KIFC3: variants seen among roughly 807,000 people sequenced by gnomAD.
The protein encoded by KIFC3 is kinesin-like protein KIFC3.
In KIFC3, 60 loss-of-function variants were observed where a neutral mutation model predicts 101.8. The observed-to-expected ratio is 0.59, with a 90% CI of 0.48 to 0.73. KIFC3 has a LOEUF of 0.73. KIFC3 is among the 30% of genes least tolerant of loss of function. The probability of loss-of-function intolerance (pLI) is 0.00; values close to 1 mark genes in which losing one functional copy is unlikely to be tolerated. For synonymous variants in KIFC3, 476 were observed against 482.7 expected, an observed-to-expected ratio of 0.99 and a Z score of 0.18; for missense variants, 966 against 1,137.1, an observed-to-expected ratio of 0.85 and a Z score of 2.16.
At position 57,795,050 on chromosome 16, in the gene KIFC3, G is replaced by A. The variant is rs150372660; in HGVS notation, c.264C>T (p.Ser88=). The part of the protein sequence containing the change: ...RPALAQCRAL[S]VDWAGPGSPH... ...GGCTTCCGGGGCCAGCCCAGTCCAC[G>A]CTAAGGGCTCGGCACTGAGCTAGGG... The change falls in exon 3 of 20, where the codon AGC becomes AGT. Residue 88 remains serine, a synonymous_variant. Transcript: ENST00000445690. 3.9e-5 allele frequency: 63 copies of A among 1,602,720 alleles called. No individual in the cohort carries two copies. The East Asian group carries it at 8.7e-4, about 22-fold the overall frequency.
intron 3 of KIFC3, chr16:57,774,284 C>A (rs1249364378): frequency 1.3e-5 from 2 of 152,192 alleles, no homozygotes; most frequent in Admixed American, 1.3e-4. Flanking sequence ...ATTGAGAATA[C>A]CCTGAATAAG....
At chr16:57,858,918 C>T (rs2056236320) in intron 1 of KIFC3, among the ~76,000 whole-genome samples, 1 of 151,948 alleles carries the variant, frequency 6.6e-6, no homozygotes, top group Admixed American at 6.6e-5. Context: ...CCACTGCTTT[C>T]CAACCTGGGC....
intron 3 of KIFC3, among the ~76,000 whole-genome samples, chr16:57,783,534 G>T (rs565612813): frequency 3.7e-4 from 54 of 146,814 alleles, no homozygotes; most frequent in African/African-American, 1.1e-3. Flanking sequence ...GTGCAGTGGC[G>T]TGATCTCAGC....
At chr16:57,800,662 G>C (rs1230315522) in intron 1 of KIFC3, among the ~76,000 whole-genome samples, 1 of 152,214 alleles carries the variant, frequency 6.6e-6, no homozygotes, top group Non-Finnish European at 1.5e-5. Context: ...ATCAGGAAGG[G>C]AAGTGGAGGA....
At chr16:57,822,806 G>A (rs2055379802) in intron 1 of KIFC3, among the ~76,000 whole-genome samples, 1 of 152,198 alleles carries the variant, frequency 6.6e-6, no homozygotes, top group African/African-American at 2.4e-5. Context: ...ACAGAGCTTG[G>A]ATTTCCTTTT....
chr16:57,778,542 G>T (rs1434711737), intron 3 of KIFC3, among the ~76,000 whole-genome samples: 6 of 152,142 alleles, frequency 3.9e-5, no homozygotes, highest in African/African-American at 1.4e-4. Context: ...ATCTGATAAG[G>T]AGTTATTATC....
In KIFC3 at chr16:57,788,455, T is replaced by C. The variant is rs1278603488; in HGVS notation, c.315+6544A>G. Reference sequence around the variant, plus strand: ...AGCTGCGGATCAGGCAGCTGGAGTCTGTCTAGGCCACCTCCAGCCGGGGAG... The same window carrying C: ...AGCTGCGGATCAGGCAGCTGGAGTCCGTCTAGGCCACCTCCAGCCGGGGAG... On this transcript the variant is annotated intron_variant, in intron 3 of 19. Transcript: ENST00000445690. 8.8e-6 allele frequency: 8 copies of C among 914,240 alleles called. No homozygotes were observed. In the Admixed American group the frequency reaches 1.1e-4, roughly 12 times the overall value. The allele number at this position is 914,240 out of a possible 1,614,324, so 56.6% of individuals were successfully genotyped here.
chr16:57,820,318 G>A (rs747833233), intron 1 of KIFC3, among the ~76,000 whole-genome samples: 1 of 152,162 alleles, frequency 6.6e-6, no homozygotes, highest in Non-Finnish European at 1.5e-5. Context: ...CACCCAGGCT[G>A]GAGTGCAGTG....
At chr16:57,859,865 T>C (rs1254882404) in intron 1 of KIFC3, among the ~76,000 whole-genome samples, 1 of 150,864 alleles carries the variant, frequency 6.6e-6, no homozygotes, top group Non-Finnish European at 1.5e-5. Flanking sequence ...CTACTAAAAA[T>C]ACAAAAATTA....
At chr16:57,815,478 A>G (rs1286657376) in intron 1 of KIFC3, 16 of 1,226,430 alleles carry the variant, frequency 1.3e-5, no homozygotes, top group South Asian at 2.8e-5. Flanking sequence ...GACTCTGCCC[A>G]TCACCCCCAA....
In KIFC3 at chr16:57,772,730, A is replaced by C. The variant is rs150696253; in HGVS notation, c.316-442T>G. ...ATACTCCAGGTCCTCCGAGCCCTAG[A>C]TCCACCCTGGCCCAGCCCCCAGAAT... On this transcript the variant is annotated intron_variant, in intron 3 of 19. Coordinates refer to ENST00000445690, the MANE Select transcript of KIFC3 (RefSeq NM_001130100.2). 5.4e-3 allele frequency among the ~76,000 whole-genome samples: 827 copies of C among 152,248 alleles called. 11 individuals carry two copies. The highest frequency in any genetic ancestry group is 0.035 in the South Asian group (168 of 4,816).
Position 57,762,124 on chromosome 16 carries a change from ACCCTGGGGCTCC to A in KIFC3, c.1748+4_1748+15del, listed in dbSNP as rs781953581. ...GCTGCCCCTGAGGCCTGCTCCGCAC[ACCCTGGGGCTCC>A]CACCTGAGGACCTCATTGTAGATCT... On this transcript the variant is annotated splice_donor_5th_base_variant and intron_variant, in intron 13 of 19. Transcript: ENST00000445690. 1 of 1,578,140 alleles carries A rather than the reference ACCCTGGGGCTCC, an allele frequency of 6.3e-7. No homozygotes were observed. Among genetic ancestry groups the A allele is most frequent in the African/African-American group, 1.4e-5 (1 of 74,000 alleles).
chr16:57,775,272 CA>C, intron 3 of KIFC3: 1 of 1,275,820 alleles, frequency 7.8e-7, no homozygotes, highest in Non-Finnish European at 9.9e-7. Flanking sequence ...CCCCTTTGTT[CA>C]GAGGTGTCAG....
intron 3 of KIFC3, chr16:57,775,031 G>A (rs1555611076): frequency 6.5e-7 from 1 of 1,527,472 alleles, no homozygotes; most frequent in Non-Finnish European, 8.7e-7. Flanking sequence ...CTGATGCAGG[G>A]AGAGTGGGGT....
At chr16:57,806,214 A>G (rs1324279384), upstream of KIFC3, among the ~76,000 whole-genome samples, 1 of 152,204 alleles carries the variant, frequency 6.6e-6, no homozygotes, top group Non-Finnish European at 1.5e-5. Flanking sequence ...TAAGATTTAC[A>G]TGATTTTCCC....
In KIFC3 at chr16:57,795,021, T is replaced by C. The variant is rs2054178187; in HGVS notation, c.293A>G (p.His98Arg). The part of the protein sequence containing the change: ...SVDWAGPGSP[H>R]GLYLTLQVEH... The stretch of plus-strand genomic sequence containing the variant: ...TACCTGCAGGGTCAGGTAGAGCCCG[T>C]GGGGGCTTCCGGGGCCAGCCCAGTC... Residue 98 changes from histidine to arginine, a missense_variant, in exon 3 of 20, where the codon CAC becomes CGC. Transcript: ENST00000445690. 6.3e-7 allele frequency: 1 copy of C among 1,595,772 alleles called. No individual in the cohort carries two copies.
intron 1 of KIFC3, among the ~76,000 whole-genome samples, chr16:57,844,966 C>G (rs2055887870): frequency 6.6e-6 from 1 of 152,124 alleles, no homozygotes; most frequent in African/African-American, 2.4e-5. Flanking sequence ...GAAATGTTAC[C>G]CTTTGGGTTC....
At chr16:57,845,597 G>T (rs1025634929) in intron 1 of KIFC3, among the ~76,000 whole-genome samples, 47 of 151,934 alleles carry the variant, frequency 3.1e-4, no homozygotes, top group African/African-American at 1.0e-3. Context: ...ATATCCACAG[G>T]GCTCTCTCCC....
In KIFC3 at chr16:57,802,435, C is replaced by T; in HGVS notation, c.-105G>A. Reference sequence around the variant, plus strand: ...CGGGGCTCGGCCCGGCCCGGCCCGCCGGCAGGAGGCAGCTCCACGCCGCCG... The same window carrying T: ...CGGGGCTCGGCCCGGCCCGGCCCGCTGGCAGGAGGCAGCTCCACGCCGCCG... On this transcript the variant is annotated 5_prime_UTR_variant, in exon 1 of 20. Transcript: ENST00000445690. The surrounding 1 kb of genome is among the most constrained non-coding windows in gnomAD (Gnocchi z 5.0). 1.0e-6 allele frequency: 1 copy of T among 983,044 alleles called. No homozygotes were observed. The allele number at this position is 983,044 out of a possible 1,614,324, so 60.9% of individuals were successfully genotyped here. A position where few individuals can be genotyped will look rare whatever the true frequency, so the allele number is the denominator to read the frequency against.
Sources: allele counts gnomAD v4.1 joint callset (sites outside exome capture counted in the v4.1 genomes callset), GRCh38; gene constraint gnomAD v4.1.1; non-coding constraint Gnocchi (gnomAD v3.1); transcripts MANE v1.5; gene names NCBI Gene and HGNC (gene_info 2026-07-23, HGNC 2026-07-21).